The following ZBTB16 variants were observed in gnomAD, a reference collection of about 807,000 sequenced individuals.
ZBTB16 encodes the protein zinc finger and BTB domain containing 16.
In ZBTB16, 8 loss-of-function variants were observed where a neutral mutation model predicts 56.8. The observed-to-expected ratio is 0.14, with a 90% CI of 0.08 to 0.25. The LOEUF (loss-of-function observed/expected upper bound fraction) is 0.25, where lower values mean the gene tolerates loss of function less well. ZBTB16 is among the 10% of genes least tolerant of loss of function. ZBTB16 has a pLI of 1.00. For synonymous variants in ZBTB16, 363 were observed against 368.5 expected (o/e 0.98, Z 0.17); for missense variants, 625 against 903.0 (o/e 0.69, Z 3.95).
At chr11:114,113,359 G>A (rs1347694115) in intron 2 of ZBTB16, among the ~76,000 whole-genome samples, 6 of 152,142 alleles carry the variant, frequency 3.9e-5, no homozygotes, top group African/African-American at 9.7e-5. Flanking sequence ...CCAACACTTC[G>A]GGTATTTGGC....
chr11:114,224,616 T>TTA (rs1944295265), intron 4 of ZBTB16, among the ~76,000 whole-genome samples: 1 of 152,064 alleles, frequency 6.6e-6, no homozygotes, highest in African/African-American at 2.4e-5. Context: ...CTGGGTGAGT[T>TTA]TATATAACAA....
At position 114,062,102 on chromosome 11, in the gene ZBTB16, CACT is replaced by C. The variant is rs1267970061; in HGVS notation, c.-90-1108_-90-1106del. On this transcript the variant is annotated intron_variant, in intron 1 of 6. Transcript: ENST00000335953. ...AAGTGTGTGTGTGTAAACACACACA[CACT>C]TTTTTTTTTTTTTCTGAGACGGAGT... is the stretch of plus-strand genomic sequence containing the variant. 4.4e-5 allele frequency among the ~76,000 whole-genome samples: 6 copies of C among 135,964 alleles called. No individual in the cohort carries two copies. In the Admixed American group the frequency reaches 4.6e-4, roughly 10 times the overall value. The allele number at this position is 135,964 out of a possible 152,430, so 89.2% of individuals were successfully genotyped here.
At chr11:114,209,295 A>G (rs761617020) in intron 4 of ZBTB16, 20 of 808,392 alleles carry the variant, frequency 2.5e-5, no homozygotes, top group Non-Finnish European at 3.0e-5. Flanking sequence ...TTTCTTGTGA[A>G]ATAAACTTTT....
chr11:114,064,514 A>G lies in ZBTB16; in HGVS notation c.1214A>G (p.Gln405Arg). The G allele has an allele frequency of 6.2e-7, 1 of 1,614,088 alleles. No individual in the cohort carries two copies. Among genetic ancestry groups the G allele is most frequent in the African/African-American group, 1.3e-5 (1 of 75,026 alleles). The change falls in exon 2 of 7, where the codon CAG becomes CGG. Residue 405 changes from glutamine (Q) to arginine (R), a missense_variant. By Grantham distance (43) the Gln-to-Arg change is conservative (BLOSUM62 1). Around this residue, in one of 6 missense-constraint regions of ZBTB16, gnomAD observed 384 missense variants for 393.5 expected, o/e 0.98. Transcript: ENST00000335953. This position sits in a 1 kb window ranked among gnomAD's most constrained non-coding sequence, Gnocchi z 4.2. ...MKSESRTIGE[Q>R]CSVCGVELPD... ...TCAGAGAGCCGGACCATCGGAGAGC[A>G]GTGCAGCGTGTGTGGGGTCGAGCTT...
At chr11:114,166,278 T>C (rs1405448375) in intron 3 of ZBTB16, among the ~76,000 whole-genome samples, 1 of 138,784 alleles carries the variant, frequency 7.2e-6, no homozygotes, top group Admixed American at 7.3e-5. Context: ...CTGGAGGTGA[T>C]GGAAGGTGTT....
chr11:114,141,187 T>A (rs1941936587), intron 2 of ZBTB16, among the ~76,000 whole-genome samples: 1 of 152,192 alleles, frequency 6.6e-6, no homozygotes, highest in Non-Finnish European at 1.5e-5. Context: ...ATGTGATGCC[T>A]CCATCACACG....
intron 6 of ZBTB16, among the ~76,000 whole-genome samples, chr11:114,249,628 G>A (rs960688362): frequency 2.1e-5 from 3 of 145,876 alleles, no homozygotes; most frequent in Non-Finnish European, 4.5e-5. Flanking sequence ...AGCCGGGCGC[G>A]GTGGCAGGCG....
chr11:114,132,674 C>T (rs568726422), intron 2 of ZBTB16, among the ~76,000 whole-genome samples: 5 of 152,308 alleles, frequency 3.3e-5, no homozygotes, highest in East Asian at 1.9e-4. Flanking sequence ...TGTTAAGCAA[C>T]GGCAATACCA....
chr11:114,172,876 T>C (rs1341449699), intron 3 of ZBTB16, among the ~76,000 whole-genome samples: 4 of 152,250 alleles, frequency 2.6e-5, no homozygotes, highest in Non-Finnish European at 4.4e-5. Flanking sequence ...GGTTTGTTTT[T>C]TTCCGGCAGG....
intron 4 of ZBTB16, 109 bp from the exon 5 acceptor site, chr11:114,242,058 A>T: frequency 2.1e-6 from 3 of 1,433,200 alleles, no homozygotes; most frequent in Non-Finnish European, 2.9e-6. Context: ...GCCCCTGAGC[A>T]TGGGGATTTG....
intron 4 of ZBTB16, among the ~76,000 whole-genome samples, chr11:114,205,388 T>A (rs1027428551): frequency 4.0e-5 from 6 of 148,704 alleles, no homozygotes; most frequent in Non-Finnish European, 7.4e-5. Context: ...CCAGCCTGGG[T>A]GACAGAGTGA....
chr11:114,067,021 C>T (rs1274253117), intron 2 of ZBTB16, among the ~76,000 whole-genome samples: 3 of 152,126 alleles, frequency 2.0e-5, no homozygotes, highest in African/African-American at 4.8e-5. Flanking sequence ...CCATCCACCT[C>T]GGCCTCCCAA....
chr11:114,119,471 C>T (rs1941281581), intron 2 of ZBTB16, among the ~76,000 whole-genome samples: 1 of 151,964 alleles, frequency 6.6e-6, no homozygotes, highest in African/African-American at 2.4e-5. Flanking sequence ...CAGGAGCTCT[C>T]TAATGCAGTG....
chr11:114,149,722 T>A (rs1429747352), intron 2 of ZBTB16, among the ~76,000 whole-genome samples: 2 of 152,194 alleles, frequency 1.3e-5, no homozygotes, highest in African/African-American at 2.4e-5. Context: ...GCTTGTCAAA[T>A]GACTGTCTAA....
intron 4 of ZBTB16, among the ~76,000 whole-genome samples, chr11:114,209,087 C>T (rs916772409): frequency 6.6e-6 from 1 of 152,090 alleles, no homozygotes; most frequent in African/African-American, 2.4e-5. Context: ...GATAACTTGC[C>T]CCCAGGAGAC....
rs911239693 is a variant in ZBTB16 at position 114,064,107 on chromosome 11, G to A, written c.807G>A (p.Gly269=). 9 of 1,613,810 alleles carry A rather than the reference G, an allele frequency of 5.6e-6. No individual in the cohort carries two copies. In the African/African-American group the frequency reaches 8.0e-5, roughly 14 times the overall value. The change falls in exon 2 of 7, where the codon GGG becomes GGA. Residue 269 remains glycine, a synonymous_variant. Transcript: ENST00000335953. The surrounding 1 kb of genome is among the most constrained non-coding windows in gnomAD (Gnocchi z 4.2). The stretch of plus-strand genomic sequence containing the variant: ...AGTCCAGCATCTCAGGAGGGATGGG[G>A]GACAAGGTTGAGGAAAGAGGCAAAG... ...AAESSISGGM[G]DKVEERGKEG...
At chr11:114,205,276 G>C (rs1447876844) in intron 4 of ZBTB16, among the ~76,000 whole-genome samples, 2 of 152,068 alleles carry the variant, frequency 1.3e-5, no homozygotes, top group Non-Finnish European at 2.9e-5. Context: ...CGGGCGTAGT[G>C]GTGGGCGCCT....
In ZBTB16 at chr11:114,113,592, C is replaced by T. The variant is rs147912409; in HGVS notation, c.1269-42745C>T. Among the ~76,000 whole-genome samples the T allele has an allele frequency of 6.0e-3, 916 of 152,278 alleles. 4 individuals are homozygous for T. Among genetic ancestry groups the T allele is most frequent in the African/African-American group, 0.02 (832 of 41,562 alleles). On this transcript the variant is annotated intron_variant, in intron 2 of 6. Coordinates refer to ENST00000335953, the MANE Select transcript of ZBTB16 (RefSeq NM_006006.6). The stretch of plus-strand genomic sequence containing the variant: ...TTGCTTTGAGTGAGGCACTGTAGGG[C>T]AAGTAGGAGTAAGTAAAGATCTTTG...
At chr11:114,194,033 C>T (rs910175564) in intron 4 of ZBTB16, among the ~76,000 whole-genome samples, 2 of 152,148 alleles carry the variant, frequency 1.3e-5, no homozygotes, top group African/African-American at 2.4e-5. Flanking sequence ...TGATTGGTTC[C>T]GGGTGATCCT....
Sources: gnomAD v4.1 joint callset for allele counts (sites outside exome capture counted in the v4.1 genomes callset) on GRCh38, gnomAD v4.1.1 for gene constraint, gnomAD v4.1.1 regional missense constraint, Gnocchi (gnomAD v3.1) non-coding constraint, MANE v1.5 for transcripts, NCBI Gene and HGNC (gene_info 2026-07-23, HGNC 2026-07-21) for gene names.